The following SENP6 variants were observed in gnomAD, a reference collection of about 807,000 sequenced individuals.
The protein encoded by SENP6 is SUMO specific peptidase 6.
In SENP6, 41 loss-of-function variants were observed where a neutral mutation model predicts 134.5. That is an observed-to-expected ratio of 0.30 (90% CI 0.24 to 0.40). SENP6 has a LOEUF of 0.40. SENP6 is among the 10% of genes least tolerant of loss of function. The pLI, the probability that SENP6 is intolerant of heterozygous loss-of-function variation, is 1.00. For synonymous variants in SENP6, 395 were observed against 429.8 expected (o/e 0.92, Z 1.00); for missense variants, 1,248 against 1,312.5 (o/e 0.95, Z 0.76).
At chr6:75,700,995 C>T (rs1774987008) in intron 18 of SENP6, among the ~76,000 whole-genome samples, 1 of 152,128 alleles carries the variant, frequency 6.6e-6, no homozygotes, top group Non-Finnish European at 1.5e-5. Flanking sequence ...CTGGACTTCG[C>T]AATACAGAAG....
Position 75,634,736 on chromosome 6 carries a change from C to T in SENP6, c.383C>T (p.Ser128Phe), listed in dbSNP as rs770903144. The T allele has an allele frequency of 1.9e-6, 3 of 1,588,404 alleles. No homozygotes were observed. Among genetic ancestry groups the T allele is most frequent in the African/African-American group, 1.4e-5 (1 of 73,274 alleles). Reference sequence around the variant, plus strand: ...AATACGCAAAATACGTCATTATGTTCTGGAACTGTAGTTCATGGTAGACGT... The same window carrying T: ...AATACGCAAAATACGTCATTATGTTTTGGAACTGTAGTTCATGGTAGACGT... ...SENTQNTSLC[S>F]GTVVHGRRFH... Residue 128 changes from serine (S) to phenylalanine (F), a missense_variant, in exon 5 of 24, where the codon TCT becomes TTT. Transcript: ENST00000447266.
intron 16 of SENP6, among the ~76,000 whole-genome samples, chr6:75,690,491 A>G (rs1450086260): frequency 1.3e-5 from 2 of 152,320 alleles, no homozygotes; most frequent in East Asian, 3.9e-4. Flanking sequence ...AGTCAAATTC[A>G]TAGAAACAGA....
intron 7 of SENP6, among the ~76,000 whole-genome samples, chr6:75,658,353 T>C (rs1442579862): frequency 6.6e-6 from 1 of 152,138 alleles, no homozygotes; most frequent in Non-Finnish European, 1.5e-5. Context: ...TATGTCTACA[T>C]AATCTTATTT....
chr6:75,671,782 T>A (rs1406584918), intron 11 of SENP6, among the ~76,000 whole-genome samples: 2 of 152,182 alleles, frequency 1.3e-5, no homozygotes, highest in South Asian at 2.1e-4. Flanking sequence ...TATTTTATTA[T>A]TTAATGTAAT....
At chr6:75,708,334 T>C (rs1037966089) in intron 19 of SENP6, among the ~76,000 whole-genome samples, 2 of 152,220 alleles carry the variant, frequency 1.3e-5, no homozygotes, top group African/African-American at 2.4e-5. Context: ...TTTATATTAA[T>C]ATCTTAACAC....
intron 7 of SENP6, among the ~76,000 whole-genome samples, chr6:75,657,244 G>A (rs943907042): frequency 6.6e-6 from 1 of 152,188 alleles, no homozygotes; most frequent in Non-Finnish European, 1.5e-5. Context: ...TTGGTTGTGT[G>A]TTTCAGACAA....
chr6:75,618,915 T>A (rs963781267), intron 1 of SENP6, among the ~76,000 whole-genome samples: 1 of 152,214 alleles, frequency 6.6e-6, no homozygotes, highest in South Asian at 2.1e-4. Context: ...ACTTATTTCC[T>A]CCTGTTCATG....
intron 6 of SENP6, chr6:75,647,460 T>G: frequency 4.1e-6 from 1 of 242,000 alleles, no homozygotes; most frequent in Non-Finnish European, 8.1e-6. Flanking sequence ...ACGTTTTTTG[T>G]TCTGATTTTG....
Position 75,642,565 on chromosome 6 carries a change from A to G in SENP6, c.479+1861A>G, listed in dbSNP as rs908867845. On this transcript the variant is annotated intron_variant, in intron 6 of 23. Coordinates refer to ENST00000447266, the MANE Select transcript of SENP6 (RefSeq NM_015571.4). ...CACTAAGGCTGGAGCTTAGAGAGGA[A>G]AGGAGACAATGTTATGAGACGGGTT... Among the ~76,000 whole-genome samples, 36 of 152,214 alleles carry G rather than the reference A, an allele frequency of 2.4e-4. 1 individual carries two copies. Among genetic ancestry groups the G allele is most frequent in the Non-Finnish European group, 8.8e-5 (6 of 68,042 alleles).
At chr6:75,678,398 GATA>G (rs1445493567) in intron 14 of SENP6, 182 bp from the exon 15 acceptor site, 1 of 516,554 alleles carries the variant, frequency 1.9e-6, no homozygotes, top group African/African-American at 2.0e-5. Context: ...AGAAGCTACA[GATA>G]ATAAGAAAGT....
intron 19 of SENP6, among the ~76,000 whole-genome samples, chr6:75,708,071 C>T (rs552435694): frequency 1.3e-5 from 2 of 152,040 alleles, no homozygotes; most frequent in African/African-American, 2.4e-5. Flanking sequence ...TTCTCTTCTC[C>T]TTTTTTGAGA....
intron 18 of SENP6, among the ~76,000 whole-genome samples, chr6:75,701,638 T>TA (rs1775037421): frequency 7.4e-6 from 1 of 134,934 alleles, no homozygotes; most frequent in African/African-American, 2.8e-5. Flanking sequence ...TTAATCTTTT[T>TA]TTTTTTTTTT....
At chr6:75,688,872 A>C in intron 16 of SENP6, among the ~76,000 whole-genome samples, 1 of 152,324 alleles carries the variant, frequency 6.6e-6, no homozygotes, top group South Asian at 2.1e-4. Context: ...GGTGAAACCA[A>C]CCTGACCAAC....
At chr6:75,627,392 T>G (rs1768777866) in intron 3 of SENP6, among the ~76,000 whole-genome samples, 1 of 152,206 alleles carries the variant, frequency 6.6e-6, no homozygotes, top group Non-Finnish European at 1.5e-5. Flanking sequence ...ACATCTGGAT[T>G]TCCTGAAGTG....
intron 1 of SENP6, chr6:75,611,313 A>G (rs770467481): frequency 5.9e-5 from 9 of 152,230 alleles, no homozygotes; most frequent in Non-Finnish European, 1.2e-4. Flanking sequence ...CACAGGAGAT[A>G]TAAAAGAATG....
rs538841986 is a variant in SENP6, at chr6:75,621,898, A to G, written c.146+273A>G. On this transcript the variant is annotated intron_variant, in intron 2 of 23. Transcript: ENST00000447266. ...ACTGTACAATGGAAGGCTTCAAAAT[A>G]AGGAAATTGTTTTTTGTTTTTTAAA... Among the ~76,000 whole-genome samples the G allele has an allele frequency of 3.9e-5, 6 of 152,332 alleles. No individual in the cohort carries two copies. In the East Asian group the frequency reaches 9.6e-4, roughly 24 times the overall value.
At chr6:75,687,808 G>A (rs1249786913) in intron 16 of SENP6, among the ~76,000 whole-genome samples, 2 of 152,338 alleles carry the variant, frequency 1.3e-5, no homozygotes, top group African/African-American at 2.4e-5. Flanking sequence ...TGAGGTGTCT[G>A]TCGGCCCCTA....
At position 75,677,141 on chromosome 6, in the gene SENP6, A is replaced by G. The variant is rs781782168; in HGVS notation, c.1733A>G (p.Asn578Ser). 9 of 1,611,484 alleles carry G rather than the reference A, an allele frequency of 5.6e-6. No individual in the cohort carries two copies. The highest frequency in any genetic ancestry group is 1.6e-4 in the Middle Eastern group (1 of 6,072). ...NEIGIKNNISNFFAKIPFEEA... is the reference protein window; with the variant it reads ...NEIGIKNNISSFFAKIPFEEA... ...ATTGGTATAAAGAATAACATCTCCA[A>G]TTTTTTTGCGAAAATTCCCTTTGAA... The change falls in exon 14 of 24, where the codon AAT becomes AGT. Residue 578 changes from asparagine (N) to serine (S), a missense_variant. By Grantham distance (46) the Asn-to-Ser change is conservative. Around this residue, in one of 3 missense-constraint regions of SENP6, gnomAD observed 733 missense variants for 725.4 expected, o/e 1.01. Coordinates refer to ENST00000447266, the MANE Select transcript of SENP6 (RefSeq NM_015571.4).
intron 10 of SENP6, among the ~76,000 whole-genome samples, chr6:75,669,618 A>G (rs1450469389): frequency 3.3e-5 from 5 of 152,212 alleles, no homozygotes; most frequent in African/African-American, 1.2e-4. Flanking sequence ...ACCTATATGA[A>G]GTGTTTATGA....
Sources: gnomAD v4.1 joint callset for allele counts (sites outside exome capture counted in the v4.1 genomes callset) on GRCh38, gnomAD v4.1.1 for gene constraint, gnomAD v4.1.1 regional missense constraint, MANE v1.5 for transcripts, NCBI Gene and HGNC (gene_info 2026-07-23, HGNC 2026-07-21) for gene names.